The following ARHGAP26 variants were observed in gnomAD, a reference collection of about 807,000 sequenced individuals.
ARHGAP26 encodes Rho GTPase activating protein 26.
ARHGAP26 carries 38 observed loss-of-function variants against 104.8 expected under a neutral mutation model. The observed-to-expected ratio is 0.36, with a 90% CI of 0.28 to 0.48. The LOEUF is 0.48. Among genes scored for constraint, ARHGAP26 ranks in the 20% least tolerant of loss-of-function variants. The pLI, the probability that ARHGAP26 is intolerant of heterozygous loss-of-function variation, is 0.99. For missense variants in ARHGAP26, 704 were observed against 947.9 expected (o/e 0.74, Z 3.38); for synonymous variants, 341 against 340.0 (o/e 1.00, Z -0.03).
intron 20 of ARHGAP26, among the ~76,000 whole-genome samples, chr5:143,189,945 G>C (rs1805680352): frequency 2.0e-5 from 3 of 151,014 alleles, no homozygotes; most frequent in South Asian, 4.2e-4. Flanking sequence ...TTATTGTTGA[G>C]TAGTAAACAA....
chr5:143,213,045 T>C (rs1562622633), intron 21 of ARHGAP26, among the ~76,000 whole-genome samples: 1 of 152,106 alleles, frequency 6.6e-6, no homozygotes, highest in South Asian at 2.1e-4. Context: ...CTCGGGAGGC[T>C]GAGGCAGGAG....
At chr5:143,033,406 G>A (rs1276609469) in intron 12 of ARHGAP26, among the ~76,000 whole-genome samples, 5 of 152,120 alleles carry the variant, frequency 3.3e-5, no homozygotes, top group Non-Finnish European at 5.9e-5. Context: ...GATGTATTTG[G>A]AAGCGTCCAT....
intron 1 of ARHGAP26, among the ~76,000 whole-genome samples, chr5:142,777,519 C>T (rs939178803): frequency 2.0e-5 from 3 of 152,194 alleles, no homozygotes; most frequent in African/African-American, 7.2e-5. Context: ...ACTAACCTAG[C>T]AGTCAAAGTA....
intron 11 of ARHGAP26, among the ~76,000 whole-genome samples, chr5:142,934,751 T>C (rs954950212): frequency 4.0e-5 from 6 of 151,670 alleles, no homozygotes; most frequent in Non-Finnish European, 8.8e-5. Context: ...TGATGGATTA[T>C]TTGGTGTTGG....
At chr5:142,902,614 C>T (rs1160284107) in intron 7 of ARHGAP26, among the ~76,000 whole-genome samples, 4 of 152,232 alleles carry the variant, frequency 2.6e-5, no homozygotes, top group African/African-American at 9.6e-5. Flanking sequence ...GGGGCTTGAG[C>T]CCCCTTCTTC....
intron 11 of ARHGAP26, among the ~76,000 whole-genome samples, chr5:143,012,170 C>T (rs1435490474): frequency 6.6e-6 from 1 of 152,096 alleles, no homozygotes; most frequent in Non-Finnish European, 1.5e-5. Context: ...AACCTGTTCT[C>T]TTTATACTCA....
chr5:143,081,871 G>A (rs901921148), intron 17 of ARHGAP26, among the ~76,000 whole-genome samples: 8 of 152,048 alleles, frequency 5.3e-5, no homozygotes, highest in South Asian at 4.1e-4. Context: ...AAAATTAGCC[G>A]GGCGTGGTGG....
chr5:143,188,027 T>A (rs1805409074), intron 20 of ARHGAP26, among the ~76,000 whole-genome samples: 1 of 152,190 alleles, frequency 6.6e-6, no homozygotes, highest in South Asian at 2.1e-4. Flanking sequence ...GTCTGATCCC[T>A]CCCTTCTCAG....
At chr5:143,012,419 G>C (rs1011166961) in intron 11 of ARHGAP26, among the ~76,000 whole-genome samples, 4 of 149,222 alleles carry the variant, frequency 2.7e-5, no homozygotes, top group African/African-American at 7.4e-5. Context: ...TTTCTTAAGT[G>C]AAAAATCCCT....
intron 11 of ARHGAP26, among the ~76,000 whole-genome samples, chr5:142,936,336 G>A (rs1343830959): frequency 6.6e-6 from 1 of 152,074 alleles, no homozygotes; most frequent in African/African-American, 2.4e-5. Flanking sequence ...GCATGTAGAG[G>A]GCCTGTGTGT....
At chr5:142,984,651 C>A (rs1009336005) in intron 11 of ARHGAP26, among the ~76,000 whole-genome samples, 17 of 151,956 alleles carry the variant, frequency 1.1e-4, no homozygotes, top group Admixed American at 2.0e-4. Flanking sequence ...ATGTTTCAGT[C>A]AATGACAGAC....
At chr5:143,141,838 G>A (rs772390293) in intron 19 of ARHGAP26, among the ~76,000 whole-genome samples, 5 of 152,124 alleles carry the variant, frequency 3.3e-5, no homozygotes, top group Admixed American at 6.5e-5. Context: ...CCTCCTTTGC[G>A]GTTTCTGAAA....
At chr5:142,940,189 C>T (rs185092932) in intron 11 of ARHGAP26, among the ~76,000 whole-genome samples, 10 of 152,150 alleles carry the variant, frequency 6.6e-5, no homozygotes, top group Non-Finnish European at 1.5e-4. Flanking sequence ...CTGACACTTG[C>T]GTTTTCCTTT....
intron 1 of ARHGAP26, among the ~76,000 whole-genome samples, chr5:142,835,963 T>A: frequency 6.6e-6 from 1 of 152,152 alleles, no homozygotes; most frequent in East Asian, 1.9e-4. Flanking sequence ...GTACGCAGAG[T>A]TGAAGCAATT....
chr5:142,891,180 G>C (rs570472462), intron 5 of ARHGAP26, among the ~76,000 whole-genome samples: 12 of 151,980 alleles, frequency 7.9e-5, no homozygotes, highest in African/African-American at 2.9e-4. Context: ...GTTGGAAGGC[G>C]TATCAGCCCA....
At chr5:142,947,893 G>A (rs1767407194) in intron 11 of ARHGAP26, among the ~76,000 whole-genome samples, 2 of 152,246 alleles carry the variant, frequency 1.3e-5, no homozygotes, top group East Asian at 1.9e-4. Flanking sequence ...AGTGGTGTAC[G>A]CCTGGAATCC....
chr5:143,122,956 T>TA (rs1796311456), intron 18 of ARHGAP26, among the ~76,000 whole-genome samples: 1 of 152,238 alleles, frequency 6.6e-6, no homozygotes, highest in Non-Finnish European at 1.5e-5. Flanking sequence ...GGGCATGTAA[T>TA]AAAATTTACT....
chr5:142,795,367 C>T (rs374384), intron 1 of ARHGAP26, among the ~76,000 whole-genome samples: 6,739 of 151,340 alleles, frequency 0.045, 210 homozygotes, highest in South Asian at 0.11. Flanking sequence ...CACCGCACAG[C>T]ATGCTCTAGG....
chr5:142,990,433 C>T (rs1322856844), intron 11 of ARHGAP26, among the ~76,000 whole-genome samples: 1 of 151,932 alleles, frequency 6.6e-6, no homozygotes, highest in Non-Finnish European at 1.5e-5. Flanking sequence ...TTTATTCTTA[C>T]CGATCATCTC....
Sources: gnomAD v4.1 joint callset for allele counts (sites outside exome capture counted in the v4.1 genomes callset) on GRCh38, gnomAD v4.1.1 for gene constraint, MANE v1.5 for transcripts, NCBI Gene and HGNC (gene_info 2026-07-23, HGNC 2026-07-21) for gene names.